The following ARID3B variants were observed in gnomAD, a reference collection of about 807,000 sequenced individuals.
ARID3B encodes the protein AT-rich interaction domain 3B, also known as AT-rich interactive domain-containing protein 3B.
Under a neutral mutation model 51.9 loss-of-function variants are expected in ARID3B, and 10 were observed. That is an observed-to-expected ratio of 0.19 (90% CI 0.12 to 0.33). ARID3B has a LOEUF of 0.33. ARID3B is among the 10% of genes least tolerant of loss of function. The pLI, the probability that ARID3B is intolerant of heterozygous loss-of-function variation, is 1.00. For synonymous variants in ARID3B, 205 were observed against 279.5 expected (o/e 0.73, Z 2.66); for missense variants, 483 against 716.3 (o/e 0.67, Z 3.72).
rs2061810575 is a variant in ARID3B at position 74,593,244 on chromosome 15, C to T, written c.1519+8C>T. 3 of 1,609,836 alleles carry T rather than the reference C, an allele frequency of 1.9e-6. No homozygotes were observed. The South Asian group carries it at 3.3e-5, about 18-fold the overall frequency. ...ATGGCACCACCTATGCAGGTGAGGCCCTGGAGCTCTGGGGGAGGCCCACGT... is the reference window on the plus strand; with the variant it reads ...ATGGCACCACCTATGCAGGTGAGGCTCTGGAGCTCTGGGGGAGGCCCACGT... On this transcript the variant is annotated splice_region_variant and intron_variant, in intron 8 of 8. Coordinates refer to ENST00000346246, the MANE Select transcript of ARID3B (RefSeq NM_006465.4).
chr15:74,578,777 T>G (rs926421663), intron 4 of ARID3B, among the ~76,000 whole-genome samples: 1 of 152,132 alleles, frequency 6.6e-6, no homozygotes, highest in Non-Finnish European at 1.5e-5. Context: ...GCCTGTGGTC[T>G]CAGCTACTTT....
chr15:74,578,427 G>A (rs577295311), intron 4 of ARID3B, among the ~76,000 whole-genome samples: 144 of 152,062 alleles, frequency 9.5e-4, no homozygotes, highest in Middle Eastern at 3.4e-3. Flanking sequence ...CGCCCGCGTC[G>A]GCCTCCTAAA....
intron 4 of ARID3B, among the ~76,000 whole-genome samples, chr15:74,576,474 G>A (rs974392492): frequency 2.0e-5 from 3 of 152,252 alleles, no homozygotes; most frequent in Admixed American, 2.0e-4. Flanking sequence ...CAGTAACATA[G>A]TGAGACCTTC....
intron 4 of ARID3B, among the ~76,000 whole-genome samples, chr15:74,579,528 G>A (rs1338991517): frequency 2.0e-5 from 3 of 152,122 alleles, no homozygotes; most frequent in African/African-American, 7.2e-5. Flanking sequence ...TGTCTGTATT[G>A]TGTGTCCATG....
At chr15:74,567,239 T>C (rs1252089018) in intron 2 of ARID3B, among the ~76,000 whole-genome samples, 3 of 152,166 alleles carry the variant, frequency 2.0e-5, no homozygotes, top group Non-Finnish European at 4.4e-5. Flanking sequence ...TATACCCCAC[T>C]CCATGCTCAT....
intron 8 of ARID3B, 45 bp downstream of exon 8, chr15:74,593,281 G>A (rs780120375): frequency 6.4e-7 from 1 of 1,568,470 alleles, no homozygotes; most frequent in South Asian, 1.1e-5. Context: ...GCCGCAGCTA[G>A]CCACAGGGCA....
chr15:74,548,838 G>C (rs541847942), intron 2 of ARID3B, among the ~76,000 whole-genome samples: 3 of 152,304 alleles, frequency 2.0e-5, no homozygotes, highest in Admixed American at 2.0e-4. Context: ...GAGAGACAAA[G>C]GGAATGTGAT....
chr15:74,585,345 C>A (rs1049178692), intron 4 of ARID3B, among the ~76,000 whole-genome samples: 1 of 152,220 alleles, frequency 6.6e-6, no homozygotes, highest in African/African-American at 2.4e-5. Flanking sequence ...AGGCCAGAGA[C>A]CCCTTGCTCC....
At position 74,544,383 on chromosome 15, in the gene ARID3B, T is replaced by C; in HGVS notation, c.447T>C (p.His149=). 1 of 1,613,814 alleles carries C rather than the reference T, an allele frequency of 6.2e-7. No individual in the cohort carries two copies. Among genetic ancestry groups the C allele is most frequent in the Non-Finnish European group, 8.5e-7 (1 of 1,179,826 alleles). Residue 149 remains histidine (H), a synonymous_variant, in exon 2 of 9, where the codon CAT becomes CAC. Transcript: ENST00000346246. The stretch of plus-strand genomic sequence containing the variant: ...TTCCAGCACCAGGGCTCCCACCACA[T>C]GGACAACAAGCTAAAGAAGACCATA... ...NLLPAPGLPP[H]GQQAKEDHTK...
intron 2 of ARID3B, among the ~76,000 whole-genome samples, chr15:74,570,890 T>C (rs957881220): frequency 6.6e-6 from 1 of 152,226 alleles, no homozygotes; most frequent in Non-Finnish European, 1.5e-5. Flanking sequence ...TTTTTTTTCT[T>C]TTTAAACAAT....
intron 2 of ARID3B, among the ~76,000 whole-genome samples, chr15:74,548,035 G>A (rs192465044): frequency 2.0e-5 from 3 of 152,338 alleles, no homozygotes; most frequent in Non-Finnish European, 2.9e-5. Flanking sequence ...TTGTTAAGGT[G>A]TGGTATTATT....
chr15:74,545,635 C>T (rs562726270), intron 2 of ARID3B, among the ~76,000 whole-genome samples: 1 of 152,336 alleles, frequency 6.6e-6, no homozygotes, highest in Non-Finnish European at 1.5e-5. Flanking sequence ...GAAGCACACA[C>T]ACTTCTTGTG....
In ARID3B at chr15:74,572,254, A is replaced by G. The variant is rs149568506; in HGVS notation, c.553-608A>G. On this transcript the variant is annotated intron_variant, in intron 2 of 8. Transcript: ENST00000346246. ...GGGCTTAGATTTTCACTGTTTCTCT[A>G]ATAAAAATGAACTCTCGCCCTAGTG... Among the ~76,000 whole-genome samples the G allele has an allele frequency of 2.0e-5, 3 of 152,352 alleles. No homozygotes were observed. The East Asian group carries it at 5.8e-4, about 29-fold the overall frequency.
intron 2 of ARID3B, among the ~76,000 whole-genome samples, chr15:74,569,525 C>G (rs997436840): frequency 1.3e-5 from 2 of 152,084 alleles, no homozygotes; most frequent in African/African-American, 4.8e-5. Flanking sequence ...AGGCAGAGGT[C>G]GCAGTGACCT....
At chr15:74,577,819 C>T (rs1189867847) in intron 4 of ARID3B, among the ~76,000 whole-genome samples, 1 of 152,112 alleles carries the variant, frequency 6.6e-6, no homozygotes, top group Non-Finnish European at 1.5e-5. Context: ...AGGCATGAAC[C>T]ACCACACCGT....
rs940567021 is a variant in ARID3B at position 74,590,120 on chromosome 15, G to A, written c.881+117G>A. On this transcript the variant is annotated intron_variant, in intron 5 of 8. Transcript: ENST00000346246. Reference sequence around the variant, plus strand: ...TGGTTAGCAAGATGAGTGGATTCCCGAAACAGTGGGGAGCTTTCTGAGATG... The same window carrying A: ...TGGTTAGCAAGATGAGTGGATTCCCAAAACAGTGGGGAGCTTTCTGAGATG... 1.3e-5 allele frequency: 16 copies of A among 1,219,882 alleles called. No individual in the cohort carries two copies. The Admixed American group carries it at 1.7e-4, about 13-fold the overall frequency. 75.6% of individuals were successfully genotyped at this position (1,219,882 alleles called of 1,614,324 possible).
intron 1 of ARID3B, among the ~76,000 whole-genome samples, chr15:74,542,361 A>T (rs778999888): frequency 1.1e-4 from 17 of 152,216 alleles, no homozygotes; most frequent in Non-Finnish European, 1.9e-4. Context: ...AGCGTAACTC[A>T]CACTTTCTGA....
chr15:74,573,292 A>G (rs745874561), intron 4 of ARID3B, 88 bp downstream of exon 4: 16 of 1,385,014 alleles, frequency 1.2e-5, no homozygotes, highest in Non-Finnish European at 1.5e-5. Context: ...ATCCTGGCCC[A>G]CTAATCCTCA....
chr15:74,549,274 A>G (rs2061627301), intron 2 of ARID3B, among the ~76,000 whole-genome samples: 1 of 151,762 alleles, frequency 6.6e-6, no homozygotes, highest in African/African-American at 2.4e-5. Context: ...ACGGGGTTTC[A>G]CCGTGTTAGC....
Sources: gnomAD v4.1 joint callset for allele counts (sites outside exome capture counted in the v4.1 genomes callset) on GRCh38, gnomAD v4.1.1 for gene constraint, MANE v1.5 for transcripts, NCBI Gene and HGNC (gene_info 2026-07-23, HGNC 2026-07-21) for gene names.